Variants in USO1 observed in about 807,000 individuals in gnomAD.
The protein encoded by USO1 is USO1 vesicle transport factor, also known as general vesicular transport factor p115.
A neutral mutation model predicts 124.5 loss-of-function variants in USO1; 57 were observed. That is an observed-to-expected ratio of 0.46 (90% CI 0.37 to 0.57). The LOEUF is 0.57. Among genes scored for constraint, USO1 ranks in the 20% least tolerant of loss-of-function variants. The pLI is 0.00. For synonymous variants in USO1, 369 were observed against 362.8 expected, an observed-to-expected ratio of 1.02 and a Z score of -0.19; for missense variants, 900 against 1,040.6, an observed-to-expected ratio of 0.86 and a Z score of 1.86.
chr4:75,811,477 C>T (rs537199371), intron 22 of USO1, among the ~76,000 whole-genome samples: 1 of 152,220 alleles, frequency 6.6e-6, no homozygotes, highest in East Asian at 1.9e-4. Context: ...TTTTTAAGAT[C>T]AACATCTAAT....
chr4:75,779,174 T>TC (rs1325047455), intron 8 of USO1, among the ~76,000 whole-genome samples: 3 of 152,082 alleles, frequency 2.0e-5, no homozygotes, highest in Admixed American at 6.6e-5. Flanking sequence ...GACTGGCCCA[T>TC]CCTCTCTCTC....
chr4:75,759,124 A>C (rs1201029581), intron 4 of USO1, among the ~76,000 whole-genome samples: 2 of 151,844 alleles, frequency 1.3e-5, no homozygotes, highest in African/African-American at 4.8e-5. Context: ...TTTTTTTAAT[A>C]AATTTATAAT....
chr4:75,796,395 G>A (rs1454927213), intron 13 of USO1, among the ~76,000 whole-genome samples: 1 of 138,082 alleles, frequency 7.2e-6, no homozygotes, highest in Non-Finnish European at 1.5e-5. Context: ...GAGTGCAATG[G>A]CACGATCTTG....
intron 1 of USO1, among the ~76,000 whole-genome samples, chr4:75,744,471 G>A (rs1376245298): frequency 6.6e-6 from 1 of 152,114 alleles, no homozygotes; most frequent in Non-Finnish European, 1.5e-5. Context: ...CCAGGCCAGA[G>A]TGCAGTGGTG....
At chr4:75,745,067 G>T in intron 1 of USO1, 1 of 337,398 alleles carries the variant, frequency 3.0e-6, no homozygotes, top group East Asian at 8.8e-5. Context: ...TCACATTAAT[G>T]CCTTCTTTGA....
chr4:75,799,626 G>A lies in USO1; in HGVS notation c.1457G>A (p.Ser486Asn). The change falls in exon 14 of 24, where the codon AGC becomes AAC. Residue 486 changes from serine (S) to asparagine (N), a missense_variant. Ser to Asn is a conservative substitution (Grantham distance 46). Around this residue, in one of 2 missense-constraint regions of USO1, gnomAD observed 538 missense variants for 681.6 expected, o/e 0.79. Transcript: ENST00000514213. ...QQCTNILSQG[S>N]KIQTRVGLLM... is the part of the protein sequence containing the mutation. ...CTACCAATTTATCTGTTGCAGGGAA[G>A]CAAAATACAAACAAGAGTTGGATTA... is the stretch of plus-strand genomic sequence containing the variant. 1 of 1,613,220 alleles carries A rather than the reference G, an allele frequency of 6.2e-7. No individual in the cohort carries two copies. The highest frequency in any genetic ancestry group is 8.5e-7 in the Non-Finnish European group (1 of 1,179,590).
chr4:75,794,080 G>C (rs1577966480), intron 13 of USO1, among the ~76,000 whole-genome samples, 179 bp downstream of exon 13: 1 of 152,192 alleles, frequency 6.6e-6, no homozygotes, highest in African/African-American at 2.4e-5. Context: ...TAGAGGAATA[G>C]TTTTGCTAAA....
intron 4 of USO1, among the ~76,000 whole-genome samples, chr4:75,758,340 A>G (rs1409434284): frequency 6.6e-6 from 1 of 152,222 alleles, no homozygotes; most frequent in Non-Finnish European, 1.5e-5. Flanking sequence ...TAAAGTCAGA[A>G]CAGTGGATAT....
intron 1 of USO1, among the ~76,000 whole-genome samples, chr4:75,730,646 G>A (rs1346030050): frequency 2.0e-5 from 3 of 151,946 alleles, no homozygotes; most frequent in Non-Finnish European, 4.4e-5. Context: ...ACCAAATACT[G>A]TTCCTCTTTC....
chr4:75,797,967 T>C (rs996565735), intron 13 of USO1, among the ~76,000 whole-genome samples: 8 of 152,224 alleles, frequency 5.3e-5, no homozygotes, highest in African/African-American at 1.9e-4. Flanking sequence ...CTTTGTGATG[T>C]TGAGTCTCCT....
At chr4:75,740,902 C>T (rs776532213) in intron 1 of USO1, among the ~76,000 whole-genome samples, 1 of 152,152 alleles carries the variant, frequency 6.6e-6, no homozygotes, top group Non-Finnish European at 1.5e-5. Context: ...GTTTGGTGTA[C>T]ATCCTTCTAC....
At chr4:75,793,110 A>C (rs901516675) in intron 12 of USO1, among the ~76,000 whole-genome samples, 1 of 150,738 alleles carries the variant, frequency 6.6e-6, no homozygotes, top group South Asian at 2.1e-4. Flanking sequence ...ATAGTACTCC[A>C]TTGTGTGTAT....
At position 75,757,288 on chromosome 4, in the gene USO1, G is replaced by A. The variant is rs1232988848; in HGVS notation, c.219-209G>A. ...CTTATATGTATGAATTTGCCATACT[G>A]TGTTTTTTTATTATTGAGCATTTAG... On this transcript the variant is annotated intron_variant, in intron 3 of 23. Coordinates refer to ENST00000514213, the MANE Select transcript of USO1 (RefSeq NM_003715.4). Among the ~76,000 whole-genome samples the A allele has an allele frequency of 2.0e-5, 3 of 151,902 alleles. No individual in the cohort carries two copies. The East Asian group carries it at 5.8e-4, about 29-fold the overall frequency.
chr4:75,749,956 T>C (rs1406840115), intron 1 of USO1, among the ~76,000 whole-genome samples: 5 of 152,090 alleles, frequency 3.3e-5, no homozygotes, highest in Non-Finnish European at 2.9e-5. Context: ...GGTTTCATCA[T>C]GTTAGCCAGC....
chr4:75,753,679 C>T (rs935812351), intron 3 of USO1, among the ~76,000 whole-genome samples: 7 of 151,948 alleles, frequency 4.6e-5, no homozygotes, highest in Admixed American at 4.6e-4. Flanking sequence ...GATCATACCA[C>T]TGTATTCCAA....
chr4:75,808,682 TC>T (rs1355643132), intron 20 of USO1, among the ~76,000 whole-genome samples: 1 of 151,902 alleles, frequency 6.6e-6, no homozygotes, highest in Non-Finnish European at 1.5e-5. Flanking sequence ...TTTCTTCCTC[TC>T]TCCCTCCCAT....
Position 75,770,431 on chromosome 4 carries a change from T to C in USO1, c.296-8T>C. 1 of 1,530,038 alleles carries C rather than the reference T, an allele frequency of 6.5e-7. No individual in the cohort carries two copies. The highest frequency in any genetic ancestry group is 1.3e-5 in the South Asian group (1 of 77,216). The allele number at this position is 1,530,038 out of a possible 1,614,324, so 94.8% of individuals were successfully genotyped here. A position where few individuals can be genotyped will look rare whatever the true frequency, so the allele number is the denominator to read the frequency against. On this transcript the variant is annotated splice_polypyrimidine_tract_variant and splice_region_variant and intron_variant, in intron 4 of 23. Transcript: ENST00000514213. ...TAAATTGAAATTCTTTATTTTTGAA[T>C]ATTACAGAAGAAAATTCCACAAGAC...
intron 3 of USO1, among the ~76,000 whole-genome samples, chr4:75,756,507 A>AT (rs5859475): frequency 0.35 from 47,187 of 135,040 alleles, 10,403 homozygotes; most frequent in African/African-American, 0.6. Flanking sequence ...TTTCATAATA[A>AT]TTTTTTTTTT....
At chr4:75,760,566 A>T (rs574242431) in intron 4 of USO1, 5 of 396,602 alleles carry the variant, frequency 1.3e-5, no homozygotes, top group African/African-American at 2.1e-5. Flanking sequence ...TCCACTTTTT[A>T]TTTATTTATT....
Sources: gnomAD v4.1 joint callset for allele counts (sites outside exome capture counted in the v4.1 genomes callset) on GRCh38, gnomAD v4.1.1 for gene constraint, gnomAD v4.1.1 regional missense constraint, MANE v1.5 for transcripts, NCBI Gene and HGNC (gene_info 2026-07-23, HGNC 2026-07-21) for gene names.